The following SUGCT variants were observed in gnomAD, a reference collection of about 807,000 sequenced individuals.
SUGCT encodes succinyl-CoA:glutarate-CoA transferase, also known as succinyl-CoA:glutarate CoA-transferase.
In SUGCT, 41 loss-of-function variants were observed where a neutral mutation model predicts 55.0. The observed-to-expected ratio is 0.74, with a 90% CI of 0.58 to 0.97. The LOEUF is 0.97. Ranked by LOEUF, SUGCT falls within the 50% of genes least tolerant of loss-of-function variation. The probability of loss-of-function intolerance (pLI) is 0.00; values close to 1 mark genes in which losing one functional copy is unlikely to be tolerated. For synonymous variants in SUGCT, 187 were observed against 200.4 expected, an observed-to-expected ratio of 0.93 and a Z score of 0.56; for missense variants, 568 against 547.8, an observed-to-expected ratio of 1.04 and a Z score of -0.37.
intron 8 of SUGCT, among the ~76,000 whole-genome samples, chr7:40,280,712 C>T (rs1584551868): frequency 6.6e-6 from 1 of 152,108 alleles, no homozygotes; most frequent in South Asian, 2.1e-4. Flanking sequence ...TTAGATATAC[C>T]TGTGTTTCTG....
chr7:40,193,261 T>C (rs1786028168), intron 5 of SUGCT, among the ~76,000 whole-genome samples: 4 of 149,072 alleles, frequency 2.7e-5, no homozygotes, highest in Non-Finnish European at 5.9e-5. Flanking sequence ...GTGAGCTATT[T>C]GGCCTGGCCA....
intron 12 of SUGCT, among the ~76,000 whole-genome samples, chr7:40,695,965 C>G (rs1040994586): frequency 6.6e-6 from 1 of 152,062 alleles, no homozygotes; most frequent in African/African-American, 2.4e-5. Flanking sequence ...TTCTAAGGTC[C>G]TAAATGGCAG....
At chr7:41,031,205 C>A in the SUGCT span, among the ~76,000 whole-genome samples, 10 of 152,090 alleles carry the variant, frequency 6.6e-5, no homozygotes, top group African/African-American at 1.7e-4. Flanking sequence ...ATCAAGAATT[C>A]TCTGTCTTCT....
chr7:40,623,476 A>G (rs1361124066), intron 12 of SUGCT, among the ~76,000 whole-genome samples: 1 of 152,138 alleles, frequency 6.6e-6, no homozygotes, highest in Non-Finnish European at 1.5e-5. Flanking sequence ...TACAAGTACA[A>G]TTTATTGTTT....
At chr7:40,907,140 TGAGAGAGA>T in the SUGCT span, among the ~76,000 whole-genome samples, 5 of 29,136 alleles carry the variant, frequency 1.7e-4, no homozygotes, top group East Asian at 4.0e-3. Flanking sequence ...TGTGTGTGTG[TGAGAGAGA>T]GAGAGAGAGA....
intron 11 of SUGCT, among the ~76,000 whole-genome samples, chr7:40,470,909 A>G (rs1790372794): frequency 6.6e-6 from 1 of 151,456 alleles, no homozygotes; most frequent in Admixed American, 6.6e-5. Context: ...TTCTTTTCTC[A>G]TTTGCTAACT....
At chr7:40,884,623 A>G in the SUGCT span, among the ~76,000 whole-genome samples, 1 of 152,202 alleles carries the variant, frequency 6.6e-6, no homozygotes, top group Non-Finnish European at 1.5e-5. Flanking sequence ...AGAGGTCACA[A>G]TGACCTGCTG....
At chr7:40,868,022 A>G in the SUGCT span, among the ~76,000 whole-genome samples, 4 of 152,186 alleles carry the variant, frequency 2.6e-5, no homozygotes, top group African/African-American at 9.7e-5. Flanking sequence ...TACAAGTTCT[A>G]TGAGACAGAA....
At chr7:40,241,618 A>G (rs1421923276) in intron 7 of SUGCT, among the ~76,000 whole-genome samples, 2 of 151,096 alleles carry the variant, frequency 1.3e-5, no homozygotes. Flanking sequence ...TGTAGGGAAA[A>G]TTTTATGAAA....
chr7:40,448,027 G>T (rs1002384599), intron 9 of SUGCT, among the ~76,000 whole-genome samples: 1 of 152,092 alleles, frequency 6.6e-6, no homozygotes, highest in African/African-American at 2.4e-5. Flanking sequence ...AGTGTCCATC[G>T]CTGTCCACAG....
the SUGCT span, among the ~76,000 whole-genome samples, chr7:40,944,903 G>T: frequency 3.3e-5 from 5 of 152,304 alleles, no homozygotes; most frequent in Middle Eastern, 3.4e-3. Flanking sequence ...GAGTTCCTTT[G>T]TAGAGGATGA....
intron 10 of SUGCT, among the ~76,000 whole-genome samples, chr7:40,455,659 A>G (rs1789444374): frequency 6.6e-6 from 1 of 152,226 alleles, no homozygotes; most frequent in Admixed American, 6.5e-5. Context: ...AGATCAGATG[A>G]TCTGAATTTG....
the SUGCT span, among the ~76,000 whole-genome samples, chr7:41,021,946 G>T: frequency 6.6e-6 from 1 of 151,330 alleles, no homozygotes; most frequent in Non-Finnish European, 1.5e-5. Flanking sequence ...GAGAAGTAAA[G>T]AAATATGAAG....
intron 7 of SUGCT, among the ~76,000 whole-genome samples, chr7:40,269,137 A>T (rs1400445358): frequency 6.6e-6 from 1 of 152,036 alleles, no homozygotes; most frequent in East Asian, 1.9e-4. Flanking sequence ...TATGATAGTC[A>T]TCCTTGTGAG....
intron 11 of SUGCT, among the ~76,000 whole-genome samples, chr7:40,474,838 G>A (rs1790576198): frequency 6.6e-6 from 1 of 152,180 alleles, no homozygotes; most frequent in Non-Finnish European, 1.5e-5. Context: ...TGGGGATAAT[G>A]AGCTTATAAT....
intron 7 of SUGCT, among the ~76,000 whole-genome samples, chr7:40,245,686 C>T (rs1789824116): frequency 6.6e-6 from 1 of 151,382 alleles, no homozygotes; most frequent in Non-Finnish European, 1.5e-5. Flanking sequence ...GATCCACCTG[C>T]CTCGGCCTCC....
chr7:40,168,227 C>G (rs1961617), intron 1 of SUGCT, among the ~76,000 whole-genome samples: 2 of 152,094 alleles, frequency 1.3e-5, no homozygotes, highest in African/African-American at 2.4e-5. Context: ...TCTCTCAGTA[C>G]CCCCCAACAG....
rs370693967 is a variant in SUGCT, at chr7:40,150,258, C to T, written c.100+15138C>T. ...AACTGGCTCATCTGATCTTGTGGCC[C>T]CCGCCCAGGAACTGACTGATCAAGA... is the stretch of plus-strand genomic sequence containing the variant. On this transcript the variant is annotated intron_variant, in intron 1 of 13. Transcript: ENST00000335693. Among the ~76,000 whole-genome samples the T allele has an allele frequency of 3.9e-4, 60 of 152,290 alleles. 1 individual carries two copies. In the South Asian group the frequency reaches 0.012, roughly 31 times the overall value.
chr7:40,879,765 G>C, the SUGCT span, among the ~76,000 whole-genome samples: 42,150 of 152,112 alleles, frequency 0.28, 7,907 homozygotes, highest in East Asian at 0.81. Context: ...AGTGCACACT[G>C]TCTGCAGTTG....
Sources: allele counts gnomAD v4.1 joint callset (sites outside exome capture counted in the v4.1 genomes callset), GRCh38; gene constraint gnomAD v4.1.1; transcripts MANE v1.5; gene names NCBI Gene and HGNC (gene_info 2026-07-23, HGNC 2026-07-21).